The following CHST11 variants were observed in gnomAD, a reference collection of about 807,000 sequenced individuals.
CHST11 encodes the protein carbohydrate sulfotransferase 11, also known as C4S-1.
CHST11 carries 9 observed loss-of-function variants against 30.4 expected under a neutral mutation model. That is an observed-to-expected ratio of 0.30 (90% CI 0.18 to 0.52). CHST11 has a LOEUF of 0.52. Among genes scored for constraint, CHST11 ranks in the 20% least tolerant of loss-of-function variants. CHST11 has a pLI of 0.97. For synonymous variants in CHST11, 152 were observed against 187.8 expected, an observed-to-expected ratio of 0.81 and a Z score of 1.56; for missense variants, 348 against 460.6, an observed-to-expected ratio of 0.76 and a Z score of 2.24.
At chr12:104,535,174 G>A (rs1204393781) in intron 1 of CHST11, among the ~76,000 whole-genome samples, 2 of 152,156 alleles carry the variant, frequency 1.3e-5, no homozygotes, top group African/African-American at 2.4e-5. Flanking sequence ...CCTGCCCTTT[G>A]GAGTCTGTGA....
chr12:104,672,506 T>A (rs1305726579), intron 2 of CHST11, among the ~76,000 whole-genome samples: 2 of 152,242 alleles, frequency 1.3e-5, no homozygotes, highest in Non-Finnish European at 2.9e-5. Flanking sequence ...CCATGCCTTG[T>A]GGCCATTGAT....
intron 2 of CHST11, among the ~76,000 whole-genome samples, chr12:104,654,917 A>C (rs1253611235): frequency 5.2e-5 from 7 of 134,336 alleles, no homozygotes; most frequent in Admixed American, 3.1e-4. Context: ...TGGTCATAGC[A>C]TCCTCATTAT....
chr12:104,616,498 C>T (rs2039109455), intron 2 of CHST11, among the ~76,000 whole-genome samples: 1 of 150,666 alleles, frequency 6.6e-6, no homozygotes. Flanking sequence ...CGGAGTCTCA[C>T]TCTGTCGCCT....
At chr12:104,621,981 C>G (rs995054067) in intron 2 of CHST11, among the ~76,000 whole-genome samples, 1 of 152,156 alleles carries the variant, frequency 6.6e-6, no homozygotes, top group Non-Finnish European at 1.5e-5. Context: ...GTGATACTGC[C>G]TTTTTCAGAA....
In CHST11 at chr12:104,541,886, GCCACTGCA is replaced by G. The variant is rs559603919; in HGVS notation, c.119-60018_119-60011del. Reference sequence around the variant, plus strand: ...GGAGGTTGCAGTGAGCTGAGATTGCGCCACTGCACTCCAGCCTGAGAGACAGAGCGAGA... The same window carrying G: ...GGAGGTTGCAGTGAGCTGAGATTGCGCTCCAGCCTGAGAGACAGAGCGAGA... On this transcript the variant is annotated intron_variant, in intron 1 of 2. Coordinates refer to ENST00000303694, the MANE Select transcript of CHST11 (RefSeq NM_018413.6). Among the ~76,000 whole-genome samples the G allele has an allele frequency of 9.8e-5, 15 of 152,294 alleles. No homozygotes were observed. In the South Asian group the frequency reaches 2.9e-3, roughly 29 times the overall value.
chr12:104,751,702 A>C (rs1002874801), intron 2 of CHST11, among the ~76,000 whole-genome samples: 3 of 152,166 alleles, frequency 2.0e-5, no homozygotes, highest in African/African-American at 7.2e-5. Flanking sequence ...ACTAGAGTTG[A>C]TCTTATTTAC....
chr12:104,641,090 G>A lies in CHST11; in HGVS notation c.204+39099G>A, dbSNP rs185678100. ...TAGCTTTAGAGATGAGTCCAATCGG[G>A]GACCACTGGACTCCAGGGGAAAATT... On this transcript the variant is annotated intron_variant, in intron 2 of 2. Transcript: ENST00000303694. 2.7e-3 allele frequency among the ~76,000 whole-genome samples: 414 copies of A among 152,146 alleles called. 5 individuals are homozygous for A. Among genetic ancestry groups the A allele is most frequent in the Non-Finnish European group, 3.9e-3 (267 of 68,008 alleles).
Position 104,512,042 on chromosome 12 carries a change from A to AT in CHST11, c.118+54520dup, listed in dbSNP as rs1184788200. Among the ~76,000 whole-genome samples, 6 of 152,218 alleles carry AT rather than the reference A, an allele frequency of 3.9e-5. No homozygotes were observed. In the South Asian group the frequency reaches 1.2e-3, roughly 32 times the overall value. On this transcript the variant is annotated intron_variant, in intron 1 of 2. Transcript: ENST00000303694. Reference sequence around the variant, plus strand: ...GCTATGTGAGTAGTTGTTCCACTGTATTTTTTTATTTGTATTTTAAAATTG... The same window carrying AT: ...GCTATGTGAGTAGTTGTTCCACTGTATTTTTTTTATTTGTATTTTAAAATTG...
rs1205174607 is a variant in CHST11, at chr12:104,497,909, C to CTTTTTT, written c.118+40400_118+40405dup. Among the ~76,000 whole-genome samples the CTTTTTT allele has an allele frequency of 2.3e-3, 177 of 75,706 alleles. 3 individuals are homozygous for CTTTTTT. The highest frequency in any genetic ancestry group is 3.7e-3 in the East Asian group (9 of 2,436). The allele number at this position is 75,706 out of a possible 152,430, so 49.7% of individuals were successfully genotyped here. Reference sequence around the variant, plus strand: ...TGTGCTGAGTATCTTCCTGCCCCCTCTTTTTTTTTTTTTTTTTTTTTTTTT... The same window carrying CTTTTTT: ...TGTGCTGAGTATCTTCCTGCCCCCTCTTTTTTTTTTTTTTTTTTTTTTTTTTTTTTT... On this transcript the variant is annotated intron_variant, in intron 1 of 2. Coordinates refer to ENST00000303694, the MANE Select transcript of CHST11 (RefSeq NM_018413.6).
At chr12:104,647,617 G>A (rs774528345) in intron 2 of CHST11, among the ~76,000 whole-genome samples, 5 of 151,772 alleles carry the variant, frequency 3.3e-5, no homozygotes, top group Admixed American at 1.3e-4. Flanking sequence ...GCTAAATATC[G>A]TTTCAAAATA....
intron 2 of CHST11, among the ~76,000 whole-genome samples, chr12:104,657,633 T>A (rs998731176): frequency 1.2e-4 from 19 of 152,042 alleles, no homozygotes; most frequent in Admixed American, 1.2e-3. Context: ...AAATCAGCAG[T>A]AGTTGTTTCA....
chr12:104,591,290 G>A (rs755197112), intron 1 of CHST11, among the ~76,000 whole-genome samples: 2 of 152,064 alleles, frequency 1.3e-5, no homozygotes, highest in African/African-American at 2.4e-5. Flanking sequence ...TCTGATTTAC[G>A]TTTCTAGAAG....
chr12:104,547,249 G>A (rs2038360273), intron 1 of CHST11, among the ~76,000 whole-genome samples: 1 of 152,188 alleles, frequency 6.6e-6, no homozygotes. Flanking sequence ...GCAGTTGCAG[G>A]CAGATGGGCC....
chr12:104,546,687 C>G (rs923192664), intron 1 of CHST11, among the ~76,000 whole-genome samples: 6 of 152,016 alleles, frequency 3.9e-5, no homozygotes, highest in African/African-American at 1.2e-4. Flanking sequence ...GAAAAGTTTT[C>G]TTGTCAGGCT....
chr12:104,517,175 CT>C (rs1334847040), intron 1 of CHST11, among the ~76,000 whole-genome samples: 3 of 152,118 alleles, frequency 2.0e-5, no homozygotes, highest in African/African-American at 7.2e-5. Context: ...CCTTTTTTGT[CT>C]GTAAAATCTT....
In CHST11 at chr12:104,688,405, C is replaced by G. The variant is rs574020262; in HGVS notation, c.205-68544C>G. 3.3e-5 allele frequency among the ~76,000 whole-genome samples: 5 copies of G among 152,266 alleles called. No individual in the cohort carries two copies. The East Asian group carries it at 5.8e-4, about 18-fold the overall frequency. On this transcript the variant is annotated intron_variant, in intron 2 of 2. Coordinates refer to ENST00000303694, the MANE Select transcript of CHST11 (RefSeq NM_018413.6). The stretch of plus-strand genomic sequence containing the variant: ...CAAGGAGAAGTAACTCACCACTAGT[C>G]CCTGAGCCAGTAGGTGGTAAAATGA...
intron 2 of CHST11, among the ~76,000 whole-genome samples, chr12:104,632,087 A>G (rs1342079210): frequency 6.6e-6 from 1 of 152,188 alleles, no homozygotes; most frequent in Admixed American, 6.5e-5. Flanking sequence ...CCTGTCACAG[A>G]CTGTGAAGCA....
At chr12:104,679,044 G>A (rs1029149114) in intron 2 of CHST11, among the ~76,000 whole-genome samples, 5 of 152,138 alleles carry the variant, frequency 3.3e-5, no homozygotes, top group South Asian at 2.1e-4. Context: ...CCATGATGTC[G>A]TTGGTACTCA....
chr12:104,612,391 C>T (rs1444708282), intron 2 of CHST11, among the ~76,000 whole-genome samples: 3 of 152,250 alleles, frequency 2.0e-5, no homozygotes, highest in Admixed American at 6.5e-5. Context: ...TTCATCTTCA[C>T]ATGGTGCTCC....
Sources: allele counts gnomAD v4.1 joint callset (sites outside exome capture counted in the v4.1 genomes callset), GRCh38; gene constraint gnomAD v4.1.1; transcripts MANE v1.5; gene names NCBI Gene and HGNC (gene_info 2026-07-23, HGNC 2026-07-21).